SMTNL2: variants seen among roughly 807,000 people sequenced by gnomAD.
SMTNL2 encodes the protein smoothelin like 2, also known as smoothelin-like protein 2.
In SMTNL2, 43 loss-of-function variants were observed where a neutral mutation model predicts 44.1. The observed-to-expected ratio is 0.98, with a 90% CI of 0.76 to 1.26. The LOEUF is 1.26. Among genes scored for constraint, SMTNL2 ranks in the 50% most tolerant of loss-of-function variants. The pLI is 0.00. For synonymous variants in SMTNL2, 317 were observed against 287.6 expected, an observed-to-expected ratio of 1.10 and a Z score of -1.03; for missense variants, 646 against 670.2, an observed-to-expected ratio of 0.96 and a Z score of 0.40.
At chr17:4,593,192 C>T in intron 3 of SMTNL2, 21 bp downstream of exon 3, 1 of 1,559,768 alleles carries the variant, frequency 6.4e-7, no homozygotes. Flanking sequence ...GAGAGCGTGG[C>T]CTTGGGGCAG....
chr17:4,607,834 C>T lies in SMTNL2; in HGVS notation c.*347C>T. ...AATTTTCCCTCTGGTGAATTCGATA[C>T]ATCGGCTTTACAGGGTTACAGTGAT... On this transcript the variant is annotated 3_prime_UTR_variant, in exon 8 of 8. Coordinates refer to ENST00000389313, the MANE Select transcript of SMTNL2 (RefSeq NM_001114974.2). This position sits in a 1 kb window ranked among gnomAD's most constrained non-coding sequence, Gnocchi z 4.7. The T allele has an allele frequency of 5.0e-6, 1 of 198,518 alleles. No homozygotes were observed. Among genetic ancestry groups the T allele is most frequent in the South Asian group, 1.3e-4 (1 of 7,516 alleles). The allele number at this position is 198,518 out of a possible 1,614,324, so 12.3% of individuals were successfully genotyped here.
intron 1 of SMTNL2, among the ~76,000 whole-genome samples, chr17:4,586,556 C>T (rs547906529): frequency 2.0e-5 from 3 of 151,086 alleles, no homozygotes; most frequent in East Asian, 3.9e-4. Flanking sequence ...TCTCTCCAGT[C>T]GTGATTTTTG....
In SMTNL2 at chr17:4,592,701, C is replaced by T. The variant is rs78062014; in HGVS notation, c.488-228C>T. Among the ~76,000 whole-genome samples, 12,746 of 152,044 alleles carry T rather than the reference C, an allele frequency of 0.084. 657 individuals carry two copies. Among genetic ancestry groups the T allele is most frequent in the South Asian group, 0.15 (725 of 4,820 alleles). On this transcript the variant is annotated intron_variant, in intron 2 of 7. Transcript: ENST00000389313. The surrounding 1 kb of genome is among the most constrained non-coding windows in gnomAD (Gnocchi z 4.5). ...GGAAAGCAAATAGAGGCTGAGGAGC[C>T]GACTAGTATTTATTAAGCTGGCCAT...
chr17:4,603,730 G>C lies in SMTNL2; in HGVS notation c.1260-3631G>C, dbSNP rs201789031. ...GGGATCCTCCAAATAGCAGGTGTGG[G>C]AGTGGAGGTGCCCCAGCTGTGTGGC... is the stretch of plus-strand genomic sequence containing the variant. On this transcript the variant is annotated intron_variant, in intron 7 of 7. Coordinates refer to ENST00000389313, the MANE Select transcript of SMTNL2 (RefSeq NM_001114974.2). Among the ~76,000 whole-genome samples the C allele has an allele frequency of 2.4e-4, 37 of 152,286 alleles. No individual in the cohort carries two copies. The East Asian group carries it at 6.6e-3, about 27-fold the overall frequency.
chr17:4,602,863 C>T (rs1032153287), intron 7 of SMTNL2, among the ~76,000 whole-genome samples: 5 of 152,132 alleles, frequency 3.3e-5, no homozygotes, highest in African/African-American at 7.2e-5. Context: ...ACGGTGGTTG[C>T]GTGTTGCATA....
intron 3 of SMTNL2, 97 bp from the exon 4 acceptor site, chr17:4,593,725 C>A (rs557008989): frequency 4.3e-5 from 53 of 1,238,640 alleles, no homozygotes; most frequent in Non-Finnish European, 5.8e-5. Flanking sequence ...GCAGCGATGC[C>A]GGGTAAATGA....
At chr17:4,601,391 G>A (rs982412545) in intron 7 of SMTNL2, among the ~76,000 whole-genome samples, 2 of 144,492 alleles carry the variant, frequency 1.4e-5, no homozygotes, top group East Asian at 2.0e-4. Context: ...CTCCAGCCTG[G>A]GCAACAGAGT....
intron 7 of SMTNL2, among the ~76,000 whole-genome samples, chr17:4,603,993 C>CGA (rs1430599560): frequency 6.6e-6 from 1 of 152,132 alleles, no homozygotes; most frequent in Non-Finnish European, 1.5e-5. Context: ...TGCAGGCATA[C>CGA]GCCACCACAC....
At chr17:4,587,848 C>T (rs1909405866) in intron 1 of SMTNL2, among the ~76,000 whole-genome samples, 1 of 152,220 alleles carries the variant, frequency 6.6e-6, no homozygotes, top group Admixed American at 6.5e-5. Flanking sequence ...AGCTGAGAGC[C>T]AGCTTGGGGC....
intron 5 of SMTNL2, among the ~76,000 whole-genome samples, chr17:4,596,434 C>T (rs1909815769): frequency 6.6e-6 from 1 of 152,236 alleles, no homozygotes; most frequent in African/African-American, 2.4e-5. Flanking sequence ...AGGAAAGAGC[C>T]ATCAGGGAAG....
rs1379742998 is a variant in SMTNL2, at chr17:4,592,534, T to A, written c.487+86T>A. 1 of 1,314,256 alleles carries A rather than the reference T, an allele frequency of 7.6e-7. No homozygotes were observed. The highest frequency in any genetic ancestry group is 1.1e-6 in the Non-Finnish European group (1 of 951,034). The allele number at this position is 1,314,256 out of a possible 1,614,324, so 81.4% of individuals were successfully genotyped here. ...TCAGGTATCTGTGCCAGGCTGGCCC[T>A]TGGCCTGGCATCGGGGGGACTCTAT... is the stretch of plus-strand genomic sequence containing the variant. On this transcript the variant is annotated intron_variant, in intron 2 of 7. Coordinates refer to ENST00000389313, the MANE Select transcript of SMTNL2 (RefSeq NM_001114974.2). The surrounding 1 kb of genome is among the most constrained non-coding windows in gnomAD (Gnocchi z 4.5).
intron 7 of SMTNL2, among the ~76,000 whole-genome samples, chr17:4,602,492 T>G (rs1461000929): frequency 1.3e-5 from 2 of 152,070 alleles, no homozygotes; most frequent in East Asian, 3.9e-4. Flanking sequence ...CCAGCTAATT[T>G]TTGTATTTCT....
At chr17:4,603,145 C>T (rs1326171078) in intron 7 of SMTNL2, among the ~76,000 whole-genome samples, 1 of 152,296 alleles carries the variant, frequency 6.6e-6, no homozygotes, top group South Asian at 2.1e-4. Context: ...GAGGGGTCAG[C>T]TTGCTGTCTT....
chr17:4,584,995 C>CT lies in SMTNL2; in HGVS notation c.390_391insT (p.Arg131SerfsTer9). ...GCCACGCCACCTTCTCGCTGTCCGG[C>CT]CGCGGCCAGGTGAGCCCGGGGGAGC... On this transcript the variant is annotated frameshift_variant, in exon 1 of 8. Coordinates refer to ENST00000389313, the MANE Select transcript of SMTNL2 (RefSeq NM_001114974.2). LOFTEE classifies it high-confidence loss of function. The CT allele has an allele frequency of 2.2e-6, 3 of 1,363,138 alleles. No individual in the cohort carries two copies. Among genetic ancestry groups the CT allele is most frequent in the Non-Finnish European group, 2.8e-6 (3 of 1,060,594 alleles). 84.4% of individuals were successfully genotyped at this position (1,363,138 alleles called of 1,614,324 possible).
chr17:4,597,043 T>C, intron 6 of SMTNL2, 66 bp downstream of exon 6: 1 of 1,486,672 alleles, frequency 6.7e-7, no homozygotes, highest in Middle Eastern at 1.9e-4. Context: ...GCGTCGCCCC[T>C]GTCCTTGTTC....
At position 4,592,786 on chromosome 17, in the gene SMTNL2, G is replaced by A; in HGVS notation, c.488-143G>A. On this transcript the variant is annotated intron_variant, in intron 2 of 7. Transcript: ENST00000389313. This position sits in a 1 kb window ranked among gnomAD's most constrained non-coding sequence, Gnocchi z 4.5. Reference sequence around the variant, plus strand: ...GCAGTAAGATATCCCTGGTAGGGGAGGTCAGAGAGGCTGGAGCAGTCAGGG... The same window carrying A: ...GCAGTAAGATATCCCTGGTAGGGGAAGTCAGAGAGGCTGGAGCAGTCAGGG... The A allele has an allele frequency of 1.8e-6, 2 of 1,133,686 alleles. No individual in the cohort carries two copies. Among genetic ancestry groups the A allele is most frequent in the Non-Finnish European group, 2.5e-6 (2 of 809,456 alleles). The allele number at this position is 1,133,686 out of a possible 1,614,324, so 70.2% of individuals were successfully genotyped here.
chr17:4,587,055 C>G (rs943675881), intron 1 of SMTNL2, among the ~76,000 whole-genome samples: 1 of 152,142 alleles, frequency 6.6e-6, no homozygotes, highest in Non-Finnish European at 1.5e-5. Context: ...AAAAACCAGA[C>G]CGGGGAACTG....
intron 1 of SMTNL2, among the ~76,000 whole-genome samples, chr17:4,590,898 G>A (rs902553779): frequency 2.6e-5 from 4 of 152,090 alleles, no homozygotes; most frequent in Non-Finnish European, 5.9e-5. Context: ...CAGCTTGGGC[G>A]GCAGGGCAGG....
chr17:4,592,865 G>A lies in SMTNL2; in HGVS notation c.488-64G>A. The A allele has an allele frequency of 1.9e-6, 3 of 1,560,896 alleles. No individual in the cohort carries two copies. The highest frequency in any genetic ancestry group is 2.6e-6 in the Non-Finnish European group (3 of 1,149,986). ...GCCCAGGGAGGCTAGAGCCCTCCTGGGAGGTCCCAGGCCCCTGTGGCTGCC... is the reference window on the plus strand; with the variant it reads ...GCCCAGGGAGGCTAGAGCCCTCCTGAGAGGTCCCAGGCCCCTGTGGCTGCC... On this transcript the variant is annotated intron_variant, in intron 2 of 7. Coordinates refer to ENST00000389313, the MANE Select transcript of SMTNL2 (RefSeq NM_001114974.2). This position sits in a 1 kb window ranked among gnomAD's most constrained non-coding sequence, Gnocchi z 4.5.
Sources: gnomAD v4.1 joint callset for allele counts (sites outside exome capture counted in the v4.1 genomes callset) on GRCh38, gnomAD v4.1.1 for gene constraint, Gnocchi (gnomAD v3.1) non-coding constraint, MANE v1.5 for transcripts, NCBI Gene and HGNC (gene_info 2026-07-23, HGNC 2026-07-21) for gene names.